The following ADGRV1 variants were observed in gnomAD, a reference collection of about 807,000 sequenced individuals.
ADGRV1 encodes adhesion G protein-coupled receptor V1.
Under a neutral mutation model 596.2 loss-of-function variants are expected in ADGRV1, and 359 were observed. That is an observed-to-expected ratio of 0.60 (90% CI 0.55 to 0.66). The LOEUF is 0.66. ADGRV1 is among the 30% of genes least tolerant of loss of function. The pLI, the probability that ADGRV1 is intolerant of heterozygous loss-of-function variation, is 0.00. For missense variants in ADGRV1, 7,274 were observed against 7,575.6 expected (o/e 0.96, Z 1.48); for synonymous variants, 2,681 against 2,679.2 (o/e 1.00, Z -0.02).
At chr5:90,915,262 A>C (rs1162390511) in intron 83 of ADGRV1, among the ~76,000 whole-genome samples, 1 of 152,214 alleles carries the variant, frequency 6.6e-6, no homozygotes, top group Non-Finnish European at 1.5e-5. Context: ...ATAGGGCATT[A>C]TTTATTATTT....
chr5:90,957,556 T>TTA (rs3076324), intron 83 of ADGRV1, among the ~76,000 whole-genome samples: 2,051 of 146,222 alleles, frequency 0.014, 34 homozygotes, highest in African/African-American at 0.044. Context: ...TTTCAACTGT[T>TTA]TATATATATA....
intron 1 of ADGRV1, among the ~76,000 whole-genome samples, chr5:90,591,982 T>A (rs154565): frequency 0.26 from 39,156 of 152,044 alleles, 6,426 homozygotes; most frequent in African/African-American, 0.46. Flanking sequence ...CCAAGCTAAC[T>A]CAGATAATAA....
intron 23 of ADGRV1, 68 bp from the exon 24 acceptor site, chr5:90,675,175 C>CT: frequency 7.4e-7 from 1 of 1,355,322 alleles, no homozygotes; most frequent in South Asian, 1.4e-5. Flanking sequence ...TGTAAGATCG[C>CT]TTTAATTGAA....
intron 79 of ADGRV1, among the ~76,000 whole-genome samples, chr5:90,852,258 C>G (rs1477123898): frequency 1.3e-5 from 2 of 152,146 alleles, no homozygotes; most frequent in Non-Finnish European, 2.9e-5. Context: ...AAAGTTGGCC[C>G]TTACTCTTTC....
chr5:90,689,768 C>A (rs1358446822), intron 29 of ADGRV1, 93 bp from the exon 30 acceptor site: 2 of 788,516 alleles, frequency 2.5e-6, no homozygotes, highest in African/African-American at 1.7e-5. Flanking sequence ...CAAGTAGATC[C>A]ATAAAGTTTG....
chr5:90,639,071 A>AACACACACAC (rs67813883), intron 11 of ADGRV1, among the ~76,000 whole-genome samples: 43,650 of 147,738 alleles, frequency 0.3, 6,786 homozygotes, highest in Admixed American at 0.43. Context: ...ACCAATTTAC[A>AACACACACAC]ACACACACAC....
At chr5:90,727,455 CTG>C (rs987658358) in intron 48 of ADGRV1, among the ~76,000 whole-genome samples, 13 of 152,162 alleles carry the variant, frequency 8.5e-5, no homozygotes, top group African/African-American at 3.1e-4. Context: ...GTCCTCCTAG[CTG>C]TTCTCTGAAT....
intron 1 of ADGRV1, among the ~76,000 whole-genome samples, chr5:90,587,098 TC>T (rs1233477366): frequency 6.6e-6 from 1 of 152,186 alleles, no homozygotes; most frequent in African/African-American, 2.4e-5. Flanking sequence ...TTTCTTTTCA[TC>T]CCTATGAACA....
At chr5:90,950,854 T>G (rs1776999942) in intron 83 of ADGRV1, among the ~76,000 whole-genome samples, 1 of 152,142 alleles carries the variant, frequency 6.6e-6, no homozygotes. Context: ...GTAAATGAAT[T>G]ATAAATAATG....
chr5:91,067,672 A>G (rs1788004968), intron 85 of ADGRV1, among the ~76,000 whole-genome samples: 1 of 152,176 alleles, frequency 6.6e-6, no homozygotes, highest in South Asian at 2.1e-4. Flanking sequence ...TGAGTCAGTA[A>G]TTTTCCCTAT....
chr5:91,158,117 A>G (rs1353072051), intron 89 of ADGRV1, among the ~76,000 whole-genome samples: 1 of 152,224 alleles, frequency 6.6e-6, no homozygotes, highest in South Asian at 2.1e-4. Flanking sequence ...CTCAAATAAC[A>G]GTTTCTACCA....
At chr5:90,609,173 A>G (rs1272902702) in intron 1 of ADGRV1, among the ~76,000 whole-genome samples, 1 of 152,086 alleles carries the variant, frequency 6.6e-6, no homozygotes, top group Admixed American at 6.6e-5. Flanking sequence ...ATATAAATGA[A>G]GTTGATAACT....
intron 82 of ADGRV1, 50 bp from the exon 83 acceptor site, chr5:90,863,707 A>C (rs375184770): frequency 2.8e-5 from 38 of 1,345,384 alleles, no homozygotes; most frequent in Non-Finnish European, 3.6e-5. Context: ...TGATGCTGTT[A>C]GAATCTTCAT....
chr5:90,825,743 T>A (rs1237116689), intron 76 of ADGRV1: 2 of 152,156 alleles, frequency 1.3e-5, no homozygotes, highest in Admixed American at 1.3e-4. Flanking sequence ...GAAGAATATA[T>A]AATTAAGGGG....
rs192333413 is a variant in ADGRV1, at chr5:90,822,064, C to G, written c.16197-1361C>G. On this transcript the variant is annotated intron_variant, in intron 75 of 89. Transcript: ENST00000405460. ...CTCAGACTGCTGTGCTAGTAATCAG[C>G]GAGACTCTGTGGGCGTAGGACCCTC... 2.7e-3 allele frequency: 392 copies of G among 147,824 alleles called. 1 individual carries two copies. Among genetic ancestry groups the G allele is most frequent in the South Asian group, 0.015 (70 of 4,706 alleles). The allele number at this position is 147,824 out of a possible 1,614,324, so 9.2% of individuals were successfully genotyped here.
Position 90,622,677 on chromosome 5 carries a change from T to C in ADGRV1, c.534T>C (p.Tyr178=). ...CTCTCATCAGGGAAAAGGGAACCTA[T>C]GGAATGGTCATGGTGACTTTTGAGG... ...PLTLIREKGT[Y]GMVMVTFEVE... Residue 178 remains tyrosine (Y), a synonymous_variant, in exon 5 of 90, where the codon TAT becomes TAC. Coordinates refer to ENST00000405460, the MANE Select transcript of ADGRV1 (RefSeq NM_032119.4). The C allele has an allele frequency of 6.5e-7, 1 of 1,547,864 alleles. No individual in the cohort carries two copies.
intron 11 of ADGRV1, chr5:90,640,699 T>C (rs1027184421): frequency 4.6e-5 from 7 of 152,542 alleles, no homozygotes; most frequent in Admixed American, 4.6e-4. Flanking sequence ...CATTACTAGC[T>C]CTTGGGAAAA....
intron 1 of ADGRV1, among the ~76,000 whole-genome samples, chr5:90,599,991 G>A (rs189611984): frequency 6.6e-6 from 1 of 152,214 alleles, no homozygotes; most frequent in African/African-American, 2.4e-5. Flanking sequence ...GGGATTGAAT[G>A]TCTAAAAAAT....
intron 83 of ADGRV1, among the ~76,000 whole-genome samples, chr5:90,925,003 G>A (rs1310724765): frequency 2.7e-5 from 4 of 150,546 alleles, no homozygotes; most frequent in African/African-American, 7.3e-5. Context: ...CTCTGTTTTG[G>A]TACCAGTACC....
Sources: allele counts gnomAD v4.1 joint callset (sites outside exome capture counted in the v4.1 genomes callset), GRCh38; gene constraint gnomAD v4.1.1; transcripts MANE v1.5; gene names NCBI Gene and HGNC (gene_info 2026-07-23, HGNC 2026-07-21).